GPAT4: variants seen among roughly 807,000 people sequenced by gnomAD.
GPAT4 encodes the protein glycerol-3-phosphate acyltransferase 4, also known as 1-AGP acyltransferase 6.
A neutral mutation model predicts 58.0 loss-of-function variants in GPAT4; 17 were observed. The ratio of observed to expected loss-of-function variants is 0.29; its 90% CI spans 0.20 to 0.44. The LOEUF (loss-of-function observed/expected upper bound fraction) is 0.44. GPAT4 is among the 20% of genes least tolerant of loss of function. The probability of loss-of-function intolerance (pLI) is 1.00; values close to 1 mark genes in which losing one functional copy is unlikely to be tolerated. For synonymous variants in GPAT4, 204 were observed against 210.1 expected (o/e 0.97, Z 0.25); for missense variants, 377 against 574.5 (o/e 0.66, Z 3.51).
intron 2 of GPAT4, 85 bp downstream of exon 2, chr8:41,599,389 C>G: frequency 6.8e-7 from 1 of 1,480,260 alleles, no homozygotes. Context: ...GGCCTATTAT[C>G]TCTTTATTAG....
intron 2 of GPAT4, among the ~76,000 whole-genome samples, chr8:41,609,186 T>C (rs1180606969): frequency 6.6e-6 from 1 of 152,188 alleles, no homozygotes; most frequent in Non-Finnish European, 1.5e-5. Flanking sequence ...CGCCCCAGCT[T>C]CTTGAAGTTC....
chr8:41,611,008 C>G (rs1369538665), intron 5 of GPAT4, among the ~76,000 whole-genome samples, 198 bp downstream of exon 5: 4 of 152,104 alleles, frequency 2.6e-5, no homozygotes, highest in Non-Finnish European at 5.9e-5. Context: ...GGGTGGATCA[C>G]CTGAGGTCAG....
chr8:41,594,825 G>T (rs1028060729), intron 1 of GPAT4, among the ~76,000 whole-genome samples: 1 of 152,044 alleles, frequency 6.6e-6, no homozygotes, highest in African/African-American at 2.4e-5. Flanking sequence ...GATTTCAGGC[G>T]TAAGCCACCG....
intron 1 of GPAT4, among the ~76,000 whole-genome samples, chr8:41,591,797 A>G (rs950593040): frequency 1.3e-5 from 2 of 152,244 alleles, no homozygotes; most frequent in African/African-American, 2.4e-5. Context: ...GCCCTTGATC[A>G]TCTATGTGTA....
chr8:41,607,017 C>G lies in GPAT4; in HGVS notation c.166-2399C>G, dbSNP rs985314779. Among the ~76,000 whole-genome samples the G allele has an allele frequency of 1.8e-4, 28 of 152,188 alleles. 1 individual carries two copies. The highest frequency in any genetic ancestry group is 1.8e-3 in the Admixed American group (27 of 15,278). ...TTCTTGCATTTCCAGTCCTTCTGAA[C>G]AGTCCTCTTGAAATATGTCAAAGAA... On this transcript the variant is annotated intron_variant, in intron 2 of 12. Transcript: ENST00000396987.
Position 41,621,145 on chromosome 8 carries a change from C to T in GPAT4, c.*144C>T, listed in dbSNP as rs751920751. On this transcript the variant is annotated 3_prime_UTR_variant, in exon 13 of 13. Coordinates refer to ENST00000396987, the MANE Select transcript of GPAT4 (RefSeq NM_178819.4). ...TGGATCCCAGGACTCCGGCTTTCGC[C>T]GAGCCGCAGCGGGATCCCTGTGCAC... 3.5e-4 allele frequency: 421 copies of T among 1,209,634 alleles called. No individual in the cohort carries two copies. The highest frequency in any genetic ancestry group is 1.8e-3 in the Admixed American group (67 of 37,694). The allele number at this position is 1,209,634 out of a possible 1,614,324, so 74.9% of individuals were successfully genotyped here. A position where few individuals can be genotyped will look rare whatever the true frequency, so the allele number is the denominator to read the frequency against.
chr8:41,609,770 C>T lies in GPAT4; in HGVS notation c.351C>T (p.Tyr117=), dbSNP rs756688199. The T allele has an allele frequency of 6.2e-7, 1 of 1,614,028 alleles. No individual in the cohort carries two copies. Among genetic ancestry groups the T allele is most frequent in the African/African-American group, 1.3e-5 (1 of 74,920 alleles). The stretch of plus-strand genomic sequence containing the variant: ...AGTTCGAGCTCTCTGACATTTTCTA[C>T]TTTTGCCGGAAAGGAATGGAGACCA... ...TPEFELSDIF[Y]FCRKGMETIM... is the part of the protein sequence containing the mutation. Residue 117 remains tyrosine (Y), a synonymous_variant, in exon 4 of 13, where the codon TAC becomes TAT. Transcript: ENST00000396987.
Position 41,621,011 on chromosome 8 carries a change from C to T in GPAT4, c.*10C>T. On this transcript the variant is annotated 3_prime_UTR_variant, in exon 13 of 13. Coordinates refer to ENST00000396987, the MANE Select transcript of GPAT4 (RefSeq NM_178819.4). ...CAGGAGCCGCTCCTGAGCCTGCCTC[C>T]AGCTGGCTGGGGCCACCGTGCGGGG... 6.4e-7 allele frequency: 1 copy of T among 1,550,714 alleles called. No homozygotes were observed. The highest frequency in any genetic ancestry group is 8.7e-7 in the Non-Finnish European group (1 of 1,146,996).
In GPAT4 at chr8:41,612,870, T is replaced by C; in HGVS notation, c.821T>C (p.Met274Thr). ...GTGGGTCAAGTGCACGGGGGACTCA[T>C]GGGTGTGATTCAGAGAGCCATGGTG... is the stretch of plus-strand genomic sequence containing the variant. Reference protein sequence around the residue: ...AMVGQVHGGLMGVIQRAMVKA... With the variant: ...AMVGQVHGGLTGVIQRAMVKA... Residue 274 changes from methionine to threonine, a missense_variant, in exon 8 of 13, where the codon ATG becomes ACG. Physicochemically the swap from Met to Thr is moderately conservative, Grantham distance 81. Coordinates refer to ENST00000396987, the MANE Select transcript of GPAT4 (RefSeq NM_178819.4). 2 of 1,614,108 alleles carry C rather than the reference T, an allele frequency of 1.2e-6. No homozygotes were observed. Among genetic ancestry groups the C allele is most frequent in the Non-Finnish European group, 8.5e-7 (1 of 1,180,022 alleles).
At chr8:41,582,446 C>T (rs1261639780) in intron 1 of GPAT4, among the ~76,000 whole-genome samples, 1 of 129,080 alleles carries the variant, frequency 7.7e-6, no homozygotes, top group Non-Finnish European at 1.7e-5. Context: ...GGAAAGTATA[C>T]ACACACACAC....
At position 41,620,420 on chromosome 8, in the gene GPAT4, C is replaced by T. The variant is rs149642196; in HGVS notation, c.1263-473C>T. Among the ~76,000 whole-genome samples the T allele has an allele frequency of 8.7e-4, 132 of 152,308 alleles. 1 individual carries two copies. The highest frequency in any genetic ancestry group is 6.2e-3 in the South Asian group (30 of 4,826). The stretch of plus-strand genomic sequence containing the variant: ...TTTGAGCATGGAAGAAGTCAGAACA[C>T]GCGTTACCCCTTGTGTTAGCTCTCT... On this transcript the variant is annotated intron_variant, in intron 12 of 12. Transcript: ENST00000396987.
chr8:41,614,463 C>G, intron 9 of GPAT4, 22 bp downstream of exon 9: 7 of 1,613,070 alleles, frequency 4.3e-6, no homozygotes, highest in Non-Finnish European at 5.9e-6. Flanking sequence ...TTGGTTGCCA[C>G]GAAGGGCTTC....
intron 1 of GPAT4, among the ~76,000 whole-genome samples, chr8:41,587,205 C>A (rs1381035694): frequency 6.6e-6 from 1 of 152,254 alleles, no homozygotes; most frequent in East Asian, 1.9e-4. Flanking sequence ...CCAGTATGCT[C>A]TGCAGACACT....
rs1803376975 is a variant in GPAT4 at position 41,609,483 on chromosome 8, A to G, written c.233A>G (p.Asn78Ser). Reference sequence around the variant, plus strand: ...CACCAGCTTTACAAGCCCTACACCAACGGTAAGATGGGGGTGTGATCCTTG... The same window carrying G: ...CACCAGCTTTACAAGCCCTACACCAGCGGTAAGATGGGGGTGTGATCCTTG... ...KNHQLYKPYT[N>S]GIIAKDPTSL... The change falls in exon 3 of 13, where the codon AAC becomes AGC. Residue 78 changes from asparagine to serine, a missense_variant and splice_region_variant. Asn to Ser is a conservative substitution (Grantham distance 46, BLOSUM62 1). Coordinates refer to ENST00000396987, the MANE Select transcript of GPAT4 (RefSeq NM_178819.4). 10 of 1,614,002 alleles carry G rather than the reference A, an allele frequency of 6.2e-6. No homozygotes were observed. Among genetic ancestry groups the G allele is most frequent in the East Asian group, 2.2e-5 (1 of 44,864 alleles).
In GPAT4 at chr8:41,622,277, C is replaced by G. The variant is rs1803776111; in HGVS notation, c.*1276C>G. 1 of 55,492 alleles carries G rather than the reference C, an allele frequency of 1.8e-5. No homozygotes were observed. Among genetic ancestry groups the G allele is most frequent in the Non-Finnish European group, 3.6e-5 (1 of 28,052 alleles). 3.4% of individuals were successfully genotyped at this position (55,492 alleles called of 1,614,324 possible). Reference sequence around the variant, plus strand: ...CAGGGCCTGTGCTGCATGGTGGCTTCTGCAGGGGAGGGACAGGGGAGGGCT... The same window carrying G: ...CAGGGCCTGTGCTGCATGGTGGCTTGTGCAGGGGAGGGACAGGGGAGGGCT... On this transcript the variant is annotated 3_prime_UTR_variant, in exon 13 of 13. Coordinates refer to ENST00000396987, the MANE Select transcript of GPAT4 (RefSeq NM_178819.4).
intron 1 of GPAT4, among the ~76,000 whole-genome samples, chr8:41,589,138 T>C (rs1229086995): frequency 1.3e-5 from 2 of 152,256 alleles, no homozygotes; most frequent in Non-Finnish European, 2.9e-5. Flanking sequence ...CATCAAAGTC[T>C]GTATTAAGGG....
rs1227550272 is a variant in GPAT4, at chr8:41,609,695, CAA to C, written c.278_279del (p.Lys93ArgfsTer7). 6.2e-7 allele frequency: 1 copy of C among 1,613,772 alleles called. No homozygotes were observed. The highest frequency in any genetic ancestry group is 8.5e-7 in the Non-Finnish European group (1 of 1,179,936). On this transcript the variant is annotated frameshift_variant, in exon 4 of 13. Transcript: ENST00000396987. LOFTEE classifies it high-confidence loss of function. ...KDPTSLEEEI[K>X]EIRRSGSSKA... Reference sequence around the variant, plus strand: ...ATCCCACTTCACTAGAAGAAGAGATCAAAGAGATTCGTCGAAGTGGTAGTAGT... The same window carrying C: ...ATCCCACTTCACTAGAAGAAGAGATCAGAGATTCGTCGAAGTGGTAGTAGT...
rs1803002889 is a variant in GPAT4 at position 41,598,760 on chromosome 8, G to A, written c.-380G>A. The A allele has an allele frequency of 5.4e-6, 1 of 184,530 alleles. No individual in the cohort carries two copies. The highest frequency in any genetic ancestry group is 1.1e-5 in the Non-Finnish European group (1 of 90,928). The allele number at this position is 184,530 out of a possible 1,614,324, so 11.4% of individuals were successfully genotyped here. ...CAGATTTATCTGTTGAATGCTCTTG[G>A]GCAGGAAAACCATGTAAAACCTCTG... On this transcript the variant is annotated 5_prime_UTR_variant, in exon 2 of 13. Transcript: ENST00000396987.
chr8:41,581,334 T>C (rs1802502688), intron 1 of GPAT4, among the ~76,000 whole-genome samples: 1 of 152,196 alleles, frequency 6.6e-6, no homozygotes, highest in Non-Finnish European at 1.5e-5. Context: ...CTCTCTTCAT[T>C]TTGCCTTGTA....
Sources: allele counts gnomAD v4.1 joint callset (sites outside exome capture counted in the v4.1 genomes callset), GRCh38; gene constraint gnomAD v4.1.1; transcripts MANE v1.5; gene names NCBI Gene and HGNC (gene_info 2026-07-23, HGNC 2026-07-21).